The following FRAS1 variants were observed in gnomAD, a reference collection of about 807,000 sequenced individuals.
FRAS1 encodes extracellular matrix organizing protein FRAS1.
In FRAS1, 290 loss-of-function variants were observed where a neutral mutation model predicts 435.2. That is an observed-to-expected ratio of 0.67 (90% CI 0.61 to 0.73). The LOEUF (loss-of-function observed/expected upper bound fraction) is 0.73. Ranked by LOEUF, FRAS1 falls within the 30% of genes least tolerant of loss-of-function variation. The probability of loss-of-function intolerance (pLI) is 0.00; values close to 1 mark genes in which losing one functional copy is unlikely to be tolerated. For synonymous variants in FRAS1, 1,800 were observed against 1,851.0 expected (o/e 0.97, Z 0.71); for missense variants, 4,860 against 5,001.5 (o/e 0.97, Z 0.85).
At chr4:78,400,305 C>T (rs1234012291) in intron 29 of FRAS1, among the ~76,000 whole-genome samples, 8 of 152,208 alleles carry the variant, frequency 5.3e-5, no homozygotes, top group Non-Finnish European at 1.2e-4. Flanking sequence ...GTCTGTCTCT[C>T]CCACTAGACT....
intron 2 of FRAS1, among the ~76,000 whole-genome samples, chr4:78,184,144 A>T (rs1434626488): frequency 6.6e-6 from 1 of 152,208 alleles, no homozygotes; most frequent in Non-Finnish European, 1.5e-5. Flanking sequence ...TTTATTCCTC[A>T]TAGCAAAGCC....
In FRAS1 at chr4:78,511,415, G is replaced by A; in HGVS notation, c.9922G>A (p.Val3308Met). 6.2e-7 allele frequency: 1 copy of A among 1,613,928 alleles called. No individual in the cohort carries two copies. The highest frequency in any genetic ancestry group is 8.5e-7 in the Non-Finnish European group (1 of 1,179,820). ...GTDSAICHTP[V>M]VAGTSRGFQA... ...AGACAGTGCTATCTGCCACACACCA[G>A]TGGTGGCTGGGACATCCAGAGGCTT... is the stretch of plus-strand genomic sequence containing the variant. The change falls in exon 64 of 74, where the codon GTG (valine) becomes ATG (methionine). Residue 3308 changes from valine (V) to methionine (M), a missense_variant. Coordinates refer to ENST00000512123, the MANE Select transcript of FRAS1 (RefSeq NM_025074.7).
At chr4:78,276,067 A>T (rs540391360) in intron 9 of FRAS1, among the ~76,000 whole-genome samples, 20 of 152,064 alleles carry the variant, frequency 1.3e-4, no homozygotes, top group African/African-American at 4.8e-4. Context: ...CATTCATTTG[A>T]TCTTCAATCA....
chr4:78,079,628 C>T (rs903486746), intron 2 of FRAS1, among the ~76,000 whole-genome samples: 1 of 152,102 alleles, frequency 6.6e-6, no homozygotes, highest in African/African-American at 2.4e-5. Context: ...TCTCTCTTGG[C>T]TACACTTTCT....
chr4:78,499,897 A>G lies in FRAS1; in HGVS notation c.9292A>G (p.Ser3098Gly). ...AQSGVDYYPK[S>G]RVLKFSPGVD... ...GTCTGGTGTGGATTATTACCCAAAG[A>G]GCCGAGTCTTGAAGTTCAGTCCCGG... The change falls in exon 61 of 74, where the codon AGC (serine) becomes GGC (glycine). Residue 3098 changes from serine (S) to glycine (G), a missense_variant. By Grantham distance (56) the Ser-to-Gly change is moderately conservative. Coordinates refer to ENST00000512123, the MANE Select transcript of FRAS1 (RefSeq NM_025074.7). 1 of 1,577,304 alleles carries G rather than the reference A, an allele frequency of 6.3e-7. No homozygotes were observed.
At chr4:78,328,716 G>C (rs1294721187) in intron 18 of FRAS1, among the ~76,000 whole-genome samples, 1 of 152,184 alleles carries the variant, frequency 6.6e-6, no homozygotes, top group Non-Finnish European at 1.5e-5. Context: ...AATTTGGGAA[G>C]ATTGTGTTAA....
chr4:78,460,189 G>A (rs965099134), intron 47 of FRAS1, among the ~76,000 whole-genome samples: 6 of 152,202 alleles, frequency 3.9e-5, no homozygotes, highest in African/African-American at 1.2e-4. Flanking sequence ...CATCTAACAC[G>A]CTGTTAAGAA....
intron 2 of FRAS1, among the ~76,000 whole-genome samples, chr4:78,218,276 T>C (rs1188579221): frequency 2.0e-5 from 3 of 151,642 alleles, no homozygotes; most frequent in African/African-American, 7.3e-5. Context: ...CAGAAGGGTC[T>C]ATGCTTGAAA....
At position 78,419,752 on chromosome 4, in the gene FRAS1, G is replaced by A. The variant is rs1000022613; in HGVS notation, c.4540+689G>A. Among the ~76,000 whole-genome samples the A allele has an allele frequency of 5.3e-5, 8 of 152,206 alleles. No homozygotes were observed. The South Asian group carries it at 1.2e-3, about 24-fold the overall frequency. On this transcript the variant is annotated intron_variant, in intron 33 of 73. Transcript: ENST00000512123. ...CATGGTTTCACAGGCTGTACAGGAAGCATGGATGGGGAGGCCTCAGGAAAC... is the reference window on the plus strand; with the variant it reads ...CATGGTTTCACAGGCTGTACAGGAAACATGGATGGGGAGGCCTCAGGAAAC...
In FRAS1 at chr4:78,375,818, C is replaced by A; in HGVS notation, c.3231C>A (p.Gly1077=). 1 of 1,613,566 alleles carries A rather than the reference C, an allele frequency of 6.2e-7. No homozygotes were observed. The highest frequency in any genetic ancestry group is 8.5e-7 in the Non-Finnish European group (1 of 1,179,688). ...ACCATGGGTTCTTTCTGAAGAGTGG[C>A]CTCTGTGTTTACAACTGTGTTCCTG... ...LCDHGFFLKS[G]LCVYNCVPGF... Residue 1077 remains glycine, a synonymous_variant, in exon 26 of 74, where the codon GGC becomes GGA. Coordinates refer to ENST00000512123, the MANE Select transcript of FRAS1 (RefSeq NM_025074.7).
chr4:78,526,681 A>G, intron 70 of FRAS1, 24 bp downstream of exon 70: 1 of 1,386,878 alleles, frequency 7.2e-7, no homozygotes, highest in Non-Finnish European at 9.8e-7. Context: ...GTCAATCCTC[A>G]TTATTTGTTG....
intron 2 of FRAS1, among the ~76,000 whole-genome samples, chr4:78,104,453 G>A (rs1166388887): frequency 6.6e-6 from 1 of 152,030 alleles, no homozygotes; most frequent in East Asian, 1.9e-4. Flanking sequence ...GAACTACTGG[G>A]GCACATACAC....
In FRAS1 at chr4:78,387,742, A is replaced by T. The variant is rs12645991; in HGVS notation, c.3975+41A>T. 645 of 1,295,872 alleles carry T rather than the reference A, an allele frequency of 5.0e-4. 2 individuals are homozygous for T. In the East Asian group the frequency reaches 0.011, roughly 21 times the overall value. 80.3% of individuals were successfully genotyped at this position (1,295,872 alleles called of 1,614,324 possible). The stretch of plus-strand genomic sequence containing the variant: ...AGAGTTACAGTTTCTTTGCACCTAG[A>T]TGTGAACTTCTACGGTTGATATTAT... On this transcript the variant is annotated intron_variant, in intron 29 of 73. Coordinates refer to ENST00000512123, the MANE Select transcript of FRAS1 (RefSeq NM_025074.7).
chr4:78,148,914 A>G (rs1322833814), intron 2 of FRAS1, among the ~76,000 whole-genome samples: 2 of 152,242 alleles, frequency 1.3e-5, no homozygotes, highest in African/African-American at 4.8e-5. Context: ...TCAAGTGAAA[A>G]TGAGGCAATT....
intron 2 of FRAS1, among the ~76,000 whole-genome samples, chr4:78,072,577 C>T (rs865911772): frequency 3.3e-5 from 5 of 152,064 alleles, no homozygotes; most frequent in African/African-American, 7.2e-5. Flanking sequence ...ATGCACTCAG[C>T]GGGGAAGCAA....
At chr4:78,303,839 C>T (rs528946662) in intron 14 of FRAS1, among the ~76,000 whole-genome samples, 111 of 149,554 alleles carry the variant, frequency 7.4e-4, no homozygotes, top group African/African-American at 2.6e-3. Context: ...TAATTGAATA[C>T]CCTTTATTTC....
In FRAS1 at chr4:78,066,015, C is replaced by T. The variant is rs752799316; in HGVS notation, c.107C>T (p.Ala36Val). 40 of 1,602,648 alleles carry T rather than the reference C, an allele frequency of 2.5e-5. No individual in the cohort carries two copies. The highest frequency in any genetic ancestry group is 8.4e-5 in the Admixed American group (5 of 59,726). The change falls in exon 2 of 74, where the codon GCG (alanine) becomes GTG (valine). Residue 36 changes from alanine (A) to valine (V), a missense_variant and splice_region_variant. Ala to Val is a moderately conservative substitution (Grantham distance 64). Coordinates refer to ENST00000512123, the MANE Select transcript of FRAS1 (RefSeq NM_025074.7). ...GACVYQDSLL[A>V]DATIWKPDSC... ...TGTGTCTATCAGGATTCCTTGTTGG[C>T]GGTAGGTCATTCTTTACATACTTGG...
intron 2 of FRAS1, among the ~76,000 whole-genome samples, chr4:78,129,444 T>C (rs1414904275): frequency 6.6e-6 from 1 of 152,186 alleles, no homozygotes; most frequent in Non-Finnish European, 1.5e-5. Flanking sequence ...TATATTGTGG[T>C]AAATCCATGG....
chr4:78,141,184 A>C (rs994487950), intron 2 of FRAS1, among the ~76,000 whole-genome samples: 1 of 152,024 alleles, frequency 6.6e-6, no homozygotes, highest in African/African-American at 2.4e-5. Flanking sequence ...TCCTAATGCT[A>C]TCTCTCCCCT....
Sources: allele counts gnomAD v4.1 joint callset (sites outside exome capture counted in the v4.1 genomes callset), GRCh38; gene constraint gnomAD v4.1.1; transcripts MANE v1.5; gene names NCBI Gene and HGNC (gene_info 2026-07-23, HGNC 2026-07-21).